USP48: variants seen among roughly 807,000 people sequenced by gnomAD.
The protein encoded by USP48 is ubiquitin specific peptidase 48, also known as ubiquitin carboxyl-terminal hydrolase 48.
Under a neutral mutation model 150.7 loss-of-function variants are expected in USP48, and 43 were observed. The observed-to-expected ratio is 0.29, with a 90% CI of 0.22 to 0.37. USP48 has a LOEUF of 0.37. USP48 is among the 10% of genes least tolerant of loss of function. The probability of loss-of-function intolerance (pLI) is 1.00; values close to 1 mark genes in which losing one functional copy is unlikely to be tolerated. For missense variants in USP48, 813 were observed against 1,249.6 expected (o/e 0.65, Z 5.27); for synonymous variants, 396 against 425.9 (o/e 0.93, Z 0.86).
chr1:21,713,142 G>A (rs993890058), intron 15 of USP48, among the ~76,000 whole-genome samples: 32 of 149,946 alleles, frequency 2.1e-4, no homozygotes, highest in African/African-American at 6.9e-4. Flanking sequence ...TTGCTTGGTC[G>A]CCCAGGCTGG....
intron 1 of USP48, among the ~76,000 whole-genome samples, chr1:21,770,880 T>C (rs944190028): frequency 2.0e-5 from 3 of 151,900 alleles, no homozygotes; most frequent in South Asian, 2.1e-4. Flanking sequence ...CCCAGCACTA[T>C]GGGACACCGA....
chr1:21,697,360 C>T (rs574062143), intron 22 of USP48, among the ~76,000 whole-genome samples: 4 of 151,868 alleles, frequency 2.6e-5, no homozygotes, highest in African/African-American at 7.2e-5. Context: ...TTCTCAGTCT[C>T]GACTGTTGAA....
rs1229725226 is a variant in USP48 at position 21,782,808 on chromosome 1, G to C, written c.134+16C>G. ...CCGGCGCGAGGAGCCCGCGAGGCGCGGTGCGCGGGCCTCACCTGCACACGC... is the reference window on the plus strand; with the variant it reads ...CCGGCGCGAGGAGCCCGCGAGGCGCCGTGCGCGGGCCTCACCTGCACACGC... On this transcript the variant is annotated intron_variant, in intron 1 of 26. Transcript: ENST00000308271. 2.6e-6 allele frequency: 4 copies of C among 1,515,318 alleles called. No homozygotes were observed. The highest frequency in any genetic ancestry group is 3.5e-6 in the Non-Finnish European group (4 of 1,132,508). The allele number at this position is 1,515,318 out of a possible 1,614,324, so 93.9% of individuals were successfully genotyped here. A position where few individuals can be genotyped will look rare whatever the true frequency, so the allele number is the denominator to read the frequency against.
chr1:21,777,050 G>A (rs1271740806), intron 1 of USP48, among the ~76,000 whole-genome samples: 2 of 152,032 alleles, frequency 1.3e-5, no homozygotes, highest in Admixed American at 6.6e-5. Flanking sequence ...GGGAGGCGGA[G>A]GTTGCAGTGA....
intron 14 of USP48, among the ~76,000 whole-genome samples, chr1:21,716,127 T>C (rs1251900708): frequency 2.0e-5 from 3 of 152,226 alleles, no homozygotes; most frequent in South Asian, 2.1e-4. Flanking sequence ...TTTGTTCCTA[T>C]AGATCTTAGT....
chr1:21,741,028 T>C (rs1441925767), intron 8 of USP48, among the ~76,000 whole-genome samples: 4 of 152,076 alleles, frequency 2.6e-5, no homozygotes, highest in Admixed American at 1.3e-4. Flanking sequence ...CTAACACATA[T>C]CTAACTGGCA....
chr1:21,717,868 G>A (rs368911561), intron 14 of USP48, among the ~76,000 whole-genome samples: 104 of 151,862 alleles, frequency 6.8e-4, no homozygotes, highest in African/African-American at 2.2e-3. Flanking sequence ...CCCAGGAGGT[G>A]GAGGTTGGAG....
intron 1 of USP48, among the ~76,000 whole-genome samples, chr1:21,773,574 T>A (rs149053787): frequency 2.8e-4 from 43 of 152,324 alleles, no homozygotes; most frequent in Admixed American, 3.9e-4. Flanking sequence ...ATGCTATTTT[T>A]CGCTAATCAG....
intron 14 of USP48, among the ~76,000 whole-genome samples, chr1:21,717,936 AAAAAC>A (rs538023963): frequency 6.6e-6 from 1 of 152,234 alleles, no homozygotes; most frequent in Non-Finnish European, 1.5e-5. Context: ...ACTCCGTCTC[AAAAAC>A]AAAACAAAAC....
intron 1 of USP48, among the ~76,000 whole-genome samples, chr1:21,782,382 C>A (rs1020641872): frequency 6.6e-6 from 1 of 151,948 alleles, no homozygotes; most frequent in Non-Finnish European, 1.5e-5. Context: ...GTAGGCTGAC[C>A]ACAGTTTTTT....
intron 25 of USP48, 88 bp from the exon 26 acceptor site, chr1:21,680,922 T>C (rs1229151669): frequency 5.8e-6 from 6 of 1,034,636 alleles, no homozygotes; most frequent in Non-Finnish European, 8.5e-6. Context: ...AGACAAAAGT[T>C]TAAAATAACT....
At chr1:21,707,924 G>A (rs936933218) in intron 15 of USP48, among the ~76,000 whole-genome samples, 6 of 152,260 alleles carry the variant, frequency 3.9e-5, no homozygotes, top group Middle Eastern at 6.8e-3. Context: ...CAGCACTTTC[G>A]GAGGCTGAAG....
chr1:21,681,650 C>T (rs1442226756), intron 25 of USP48, among the ~76,000 whole-genome samples: 1 of 152,166 alleles, frequency 6.6e-6, no homozygotes, highest in African/African-American at 2.4e-5. Context: ...CCTGCCCCGA[C>T]CCATCCTCCT....
intron 19 of USP48, among the ~76,000 whole-genome samples, chr1:21,704,851 C>A (rs577922526): frequency 6.3e-4 from 96 of 152,020 alleles, no homozygotes; most frequent in African/African-American, 2.2e-3. Flanking sequence ...GGCCTTTAAT[C>A]ATATTTGAAC....
chr1:21,746,370 T>C (rs2152571928), intron 8 of USP48, among the ~76,000 whole-genome samples: 1 of 152,134 alleles, frequency 6.6e-6, no homozygotes, highest in Admixed American at 6.6e-5. Flanking sequence ...GCCTCCCAGC[T>C]ACAAGGGAGG....
intron 1 of USP48, among the ~76,000 whole-genome samples, chr1:21,765,125 A>G (rs1030211661): frequency 2.0e-5 from 3 of 152,238 alleles, no homozygotes; most frequent in Non-Finnish European, 4.4e-5. Context: ...ACCAAACTTG[A>G]GTAATAACAG....
intron 5 of USP48, 71 bp from the exon 6 acceptor site, chr1:21,751,686 C>T (rs2097814406): frequency 6.1e-6 from 7 of 1,146,730 alleles, no homozygotes; most frequent in Non-Finnish European, 9.0e-6. Flanking sequence ...GTATTACATC[C>T]TAGAAAGATG....
chr1:21,697,470 T>G (rs1454961344), intron 22 of USP48, among the ~76,000 whole-genome samples: 1 of 152,232 alleles, frequency 6.6e-6, no homozygotes, highest in African/African-American at 2.4e-5. Flanking sequence ...GAGACCATCC[T>G]GGCTAACATG....
rs2097721180 is a variant in USP48, at chr1:21,721,634, A to G, written c.1763+16T>C. The G allele has an allele frequency of 2.7e-6, 4 of 1,479,952 alleles. No homozygotes were observed. The highest frequency in any genetic ancestry group is 3.7e-6 in the Non-Finnish European group (4 of 1,080,144). The allele number at this position is 1,479,952 out of a possible 1,614,324, so 91.7% of individuals were successfully genotyped here. On this transcript the variant is annotated intron_variant, in intron 13 of 26. Transcript: ENST00000308271. ...CTTCTTAGTTTATCATTAACAATGT[A>G]CACTGTGCAACATACCCCTTTACTG...
Sources: allele counts gnomAD v4.1 joint callset (sites outside exome capture counted in the v4.1 genomes callset), GRCh38; gene constraint gnomAD v4.1.1; transcripts MANE v1.5; gene names NCBI Gene and HGNC (gene_info 2026-07-23, HGNC 2026-07-21).